OR10R2: variants seen among roughly 807,000 people sequenced by gnomAD.
OR10R2 encodes olfactory receptor family 10 subfamily R member 2, also known as olfactory receptor 10R2.
OR10R2 carries 1 observed loss-of-function variant against 2.4 expected under a neutral mutation model. The ratio of observed to expected loss-of-function variants is 0.41; its 90% CI spans 0.15 to 1.95. The LOEUF (loss-of-function observed/expected upper bound fraction) is 1.95. Among genes scored for constraint, OR10R2 ranks in the 30% most tolerant of loss-of-function variants. The probability of loss-of-function intolerance (pLI) is 0.30; values close to 1 mark genes in which losing one functional copy is unlikely to be tolerated. For synonymous variants in OR10R2, 166 were observed against 144.8 expected (o/e 1.15, Z -1.05); for missense variants, 419 against 373.0 (o/e 1.12, Z -1.01).
intron 1 of OR10R2, among the ~76,000 whole-genome samples, chr1:158,475,450 AAAT>A (rs568829754): frequency 6.6e-6 from 1 of 152,172 alleles, no homozygotes; most frequent in Non-Finnish European, 1.5e-5. Flanking sequence ...TGATGAGTGT[AAAT>A]AATATCTCTA....
At chr1:158,478,928 C>T (rs567370587) in intron 1 of OR10R2, among the ~76,000 whole-genome samples, 3 of 152,184 alleles carry the variant, frequency 2.0e-5, no homozygotes, top group Non-Finnish European at 1.5e-5. Flanking sequence ...ATCTCCCAAC[C>T]CTCTGTTCAG....
At chr1:158,477,438 T>C (rs1656291978) in intron 1 of OR10R2, among the ~76,000 whole-genome samples, 1 of 152,192 alleles carries the variant, frequency 6.6e-6, no homozygotes, top group African/African-American at 2.4e-5. Context: ...CTAGAACTGA[T>C]AAATGACTTT....
rs377436349 is a variant in OR10R2, at chr1:158,478,389, C to T, written c.28-1549C>T. Reference sequence around the variant, plus strand: ...GATTCTTATTTCTACCTGTTAGAACCTGAGGGGAGGTTTATGTGCAGTAAT... The same window carrying T: ...GATTCTTATTTCTACCTGTTAGAACTTGAGGGGAGGTTTATGTGCAGTAAT... On this transcript the variant is annotated intron_variant, in intron 1 of 1. Transcript: ENST00000641067. Among the ~76,000 whole-genome samples the T allele has an allele frequency of 2.0e-5, 3 of 152,158 alleles. No homozygotes were observed. In the East Asian group the frequency reaches 5.8e-4, roughly 29 times the overall value.
chr1:158,479,376 T>C (rs902480435), intron 1 of OR10R2, among the ~76,000 whole-genome samples: 5 of 152,210 alleles, frequency 3.3e-5, no homozygotes, highest in African/African-American at 1.2e-4. Context: ...CTTCATTTAG[T>C]CATATATTTT....
chr1:158,475,066 T>C (rs1472475274), intron 1 of OR10R2, among the ~76,000 whole-genome samples: 1 of 152,150 alleles, frequency 6.6e-6, no homozygotes, highest in Non-Finnish European at 1.5e-5. Context: ...GTTTCATAGA[T>C]GAGACAACTA....
intron 1 of OR10R2, among the ~76,000 whole-genome samples, chr1:158,475,772 C>G (rs567716661): frequency 3.9e-4 from 59 of 151,526 alleles, no homozygotes; most frequent in Non-Finnish European, 7.2e-4. Flanking sequence ...TTATTGTTTA[C>G]GTTTAGCTTT....
exon 2 of OR10R2, chr1:158,480,480 C>A (rs767583499): frequency 6.2e-7 from 1 of 1,613,374 alleles, no homozygotes; most frequent in Non-Finnish European, 8.5e-7. Flanking sequence ...TCTGTGACAT[C>A]TCAGCAGTCA....
chr1:158,472,485 C>T lies in OR10R2; in HGVS notation c.27+133C>T, dbSNP rs181617637. 793 of 396,524 alleles carry T rather than the reference C, an allele frequency of 2.0e-3. 5 individuals are homozygous for T. The highest frequency in any genetic ancestry group is 0.014 in the African/African-American group (702 of 48,688). The allele number at this position is 396,524 out of a possible 1,614,324, so 24.6% of individuals were successfully genotyped here. A position where few individuals can be genotyped will look rare whatever the true frequency, so the allele number is the denominator to read the frequency against. On this transcript the variant is annotated intron_variant, in intron 1 of 1. Coordinates refer to ENST00000641067, the Ensembl canonical transcript of OR10R2. ...GGGCCTGGGCCATGATTAAGATATA[C>T]GGCAACTGCATTCCTCTGTACCCCA...
chr1:158,480,378 C>T (rs1304727202), exon 2 of OR10R2: 2 of 1,613,984 alleles, frequency 1.2e-6, no homozygotes, highest in Admixed American at 1.7e-5. Flanking sequence ...TGGCAGCTGC[C>T]TGTGCAATTG....
At chr1:158,480,599 T>C (rs1230390080) in exon 2 of OR10R2, 3 of 1,613,594 alleles carry the variant, frequency 1.9e-6, no homozygotes, top group Non-Finnish European at 8.5e-7. Flanking sequence ...TATCTCTGCA[T>C]TCTGAGGACT....
In OR10R2 at chr1:158,480,481, T is replaced by G. The variant is rs1202229108; in HGVS notation, c.571T>G (p.Ser191Ala). ...AGTCAATCATTACTTCTGTGACATC[T>G]CAGCAGTCATTCTTCTGGCTTGTAC... The change falls in exon 2 of 2, where the codon TCA becomes GCA. Residue 191 changes from serine (S) to alanine (A), a missense_variant. Transcript: ENST00000641067. The G allele has an allele frequency of 2.5e-6, 4 of 1,613,280 alleles. No homozygotes were observed. The highest frequency in any genetic ancestry group is 1.7e-5 in the Admixed American group (1 of 59,996).
At chr1:158,479,092 T>A (rs575996215) in intron 1 of OR10R2, among the ~76,000 whole-genome samples, 1 of 152,288 alleles carries the variant, frequency 6.6e-6, no homozygotes, top group East Asian at 1.9e-4. Context: ...CAAAGAGCTG[T>A]GATGTGTTCC....
chr1:158,478,553 C>T (rs2101674816), intron 1 of OR10R2, among the ~76,000 whole-genome samples: 1 of 152,150 alleles, frequency 6.6e-6, no homozygotes, highest in East Asian at 1.9e-4. Flanking sequence ...TGACTATTTA[C>T]TGCAGAAAAA....
At chr1:158,478,713 A>G (rs532995171) in intron 1 of OR10R2, among the ~76,000 whole-genome samples, 10 of 152,284 alleles carry the variant, frequency 6.6e-5, no homozygotes, top group Non-Finnish European at 8.8e-5. Flanking sequence ...GTGTCTATAG[A>G]TGAAGATGAT....
At chr1:158,475,401 T>G (rs1164006304) in intron 1 of OR10R2, among the ~76,000 whole-genome samples, 1 of 152,110 alleles carries the variant, frequency 6.6e-6, no homozygotes, top group Non-Finnish European at 1.5e-5. Flanking sequence ...TATTAGTAAA[T>G]TTTTTGTTAC....
exon 2 of OR10R2, chr1:158,480,798 C>T (rs1308801738): frequency 6.2e-7 from 1 of 1,613,306 alleles, no homozygotes; most frequent in South Asian, 1.1e-5. Context: ...TACTAAACCC[C>T]ATGGTTTATA....
chr1:158,480,082 A>T lies in OR10R2; in HGVS notation c.172A>T (p.Ile58Phe), dbSNP rs1445646075. The T allele has an allele frequency of 1.2e-6, 2 of 1,613,806 alleles. No individual in the cohort carries two copies. The change falls in exon 2 of 2, where the codon ATC (isoleucine) becomes TTC (phenylalanine). Residue 58 changes from isoleucine to phenylalanine, a missense_variant. Transcript: ENST00000641067. ...TGGCAATGTCACCATTATCAGTGTCATCCACCTGGATAAAAGCCTCCACAC... is the reference window on the plus strand; with the variant it reads ...TGGCAATGTCACCATTATCAGTGTCTTCCACCTGGATAAAAGCCTCCACAC...
At chr1:158,474,021 C>T (rs57366633) in intron 1 of OR10R2, among the ~76,000 whole-genome samples, 87,484 of 149,720 alleles carry the variant, frequency 0.58, 25,627 homozygotes, top group Middle Eastern at 0.62. Flanking sequence ...CTTTCTTCCT[C>T]TCTTTCTTCT....
chr1:158,472,261 A>G (rs1266874051), exon 1 of OR10R2: 1 of 398,602 alleles, frequency 2.5e-6, no homozygotes, highest in African/African-American at 2.1e-5. Flanking sequence ...TGTGAACCAG[A>G]AAAAAAGCTC....
Sources: gnomAD v4.1 joint callset for allele counts (sites outside exome capture counted in the v4.1 genomes callset) on GRCh38, gnomAD v4.1.1 for gene constraint, MANE v1.5 for transcripts, NCBI Gene and HGNC (gene_info 2026-07-23, HGNC 2026-07-21) for gene names.